BCAS3: variants seen among roughly 807,000 people sequenced by gnomAD.
BCAS3 encodes the protein BCAS3 microtubule associated cell migration factor.
Under a neutral mutation model 116.1 loss-of-function variants are expected in BCAS3, and 53 were observed. The ratio of observed to expected loss-of-function variants is 0.46; its 90% CI spans 0.37 to 0.57. The LOEUF (loss-of-function observed/expected upper bound fraction) is 0.57. BCAS3 is among the 20% of genes least tolerant of loss of function. BCAS3 has a pLI of 0.00. For synonymous variants in BCAS3, 391 were observed against 408.2 expected (o/e 0.96, Z 0.51); for missense variants, 917 against 1,165.4 (o/e 0.79, Z 3.10).
chr17:60,834,418 A>C (rs2051195746), intron 7 of BCAS3, among the ~76,000 whole-genome samples: 1 of 152,062 alleles, frequency 6.6e-6, no homozygotes, highest in African/African-American at 2.4e-5. Flanking sequence ...CTTTAAGCAT[A>C]ATCTATTAAT....
chr17:61,115,336 A>G (rs895765741), intron 22 of BCAS3, among the ~76,000 whole-genome samples: 4 of 152,308 alleles, frequency 2.6e-5, no homozygotes, highest in South Asian at 2.1e-4. Flanking sequence ...TTTGCAACCT[A>G]CTCATCTGAC....
At chr17:61,336,043 C>T (rs1270437462) in intron 22 of BCAS3, among the ~76,000 whole-genome samples, 4 of 152,240 alleles carry the variant, frequency 2.6e-5, no homozygotes, top group African/African-American at 9.6e-5. Context: ...CAGGGCGTGT[C>T]GGCTTTCCTT....
chr17:61,179,750 G>A (rs1026934875), intron 22 of BCAS3, among the ~76,000 whole-genome samples: 1 of 152,080 alleles, frequency 6.6e-6, no homozygotes, highest in Non-Finnish European at 1.5e-5. Context: ...CAGAAAGACC[G>A]AATCTGTCTG....
chr17:61,209,759 G>C (rs1392154187), intron 22 of BCAS3, among the ~76,000 whole-genome samples: 1 of 152,148 alleles, frequency 6.6e-6, no homozygotes, highest in Non-Finnish European at 1.5e-5. Flanking sequence ...CTCAGGGAAG[G>C]ACCTTCAATA....
chr17:60,928,798 C>CT (rs538248869), intron 13 of BCAS3, among the ~76,000 whole-genome samples: 45 of 152,266 alleles, frequency 3.0e-4, no homozygotes, highest in Middle Eastern at 6.8e-3. Context: ...TTAGCCATGG[C>CT]TTCTAACCAT....
chr17:60,710,300 T>C (rs913441304), intron 5 of BCAS3, among the ~76,000 whole-genome samples: 1 of 152,220 alleles, frequency 6.6e-6, no homozygotes, highest in Non-Finnish European at 1.5e-5. Context: ...TGTTGCTCCT[T>C]GAATGATGTA....
intron 6 of BCAS3, among the ~76,000 whole-genome samples, chr17:60,801,114 G>C (rs970331660): frequency 1.3e-5 from 2 of 151,978 alleles, no homozygotes; most frequent in Non-Finnish European, 2.9e-5. Flanking sequence ...TGGATTTTTG[G>C]TAGGAATTGC....
intron 9 of BCAS3, among the ~76,000 whole-genome samples, chr17:60,889,172 T>C (rs1194108448): frequency 6.6e-6 from 1 of 152,206 alleles, no homozygotes; most frequent in Non-Finnish European, 1.5e-5. Flanking sequence ...GATTATGCAG[T>C]TCCCTAACAT....
At chr17:60,871,037 T>G (rs541573984) in intron 8 of BCAS3, among the ~76,000 whole-genome samples, 1 of 152,390 alleles carries the variant, frequency 6.6e-6, no homozygotes, top group Non-Finnish European at 1.5e-5. Flanking sequence ...ACAATGGTCT[T>G]CCCAGTCATT....
chr17:61,052,715 CTTTTTTTTTT>C (rs60772345), intron 19 of BCAS3, among the ~76,000 whole-genome samples: 11,156 of 125,050 alleles, frequency 0.089, 1,425 homozygotes, highest in African/African-American at 0.3. Context: ...TTCTTTCTTT[CTTTTTTTTTT>C]TTTTTTTTTT....
chr17:60,683,972 C>A lies in BCAS3; in HGVS notation c.84-10C>A. On this transcript the variant is annotated splice_polypyrimidine_tract_variant and intron_variant, in intron 2 of 23. Transcript: ENST00000407086. ...TCCTGACCAGTGTTGTCCATTTCAC[C>A]CTTTTCCAGAGAGCAGTCCTACATG... 3 of 1,612,384 alleles carry A rather than the reference C, an allele frequency of 1.9e-6. No individual in the cohort carries two copies. The highest frequency in any genetic ancestry group is 2.5e-6 in the Non-Finnish European group (3 of 1,178,680).
chr17:61,069,834 TA>T (rs746344496), intron 19 of BCAS3: 94,333 of 587,746 alleles, frequency 0.16, 1 homozygote, highest in East Asian at 0.18. Flanking sequence ...AGACCCTGTG[TA>T]AAAAAAAAAA....
intron 22 of BCAS3, among the ~76,000 whole-genome samples, chr17:61,351,488 T>C (rs1200627058): frequency 1.3e-5 from 2 of 152,242 alleles, no homozygotes; most frequent in Non-Finnish European, 2.9e-5. Context: ...CATTTGAATC[T>C]TAGCACGATT....
intron 7 of BCAS3, among the ~76,000 whole-genome samples, chr17:60,823,651 T>C (rs971301425): frequency 1.3e-5 from 2 of 152,192 alleles, no homozygotes; most frequent in Non-Finnish European, 2.9e-5. Flanking sequence ...TCTTTAGAGT[T>C]AGGTCAGTCA....
At chr17:61,221,945 T>C (rs1428471520) in intron 22 of BCAS3, among the ~76,000 whole-genome samples, 2 of 152,070 alleles carry the variant, frequency 1.3e-5, no homozygotes, top group South Asian at 2.1e-4. Flanking sequence ...ACGTCATAAG[T>C]TTGTTGGGGA....
rs1555783945 is a variant in BCAS3 at position 61,220,311 on chromosome 17, C to CAAAAAACA, written c.2425+135753_2425+135754insCAAAAAAA. ...TCCATCTCAAAAAACAAACAAAAAACAAAAAAACTGAAGTTTTCTCATTTG... is the reference window on the plus strand; with the variant it reads ...TCCATCTCAAAAAACAAACAAAAAACAAAAAACAAAAAAAACTGAAGTTTTCTCATTTG... On this transcript the variant is annotated intron_variant, in intron 22 of 23. Transcript: ENST00000407086. This position sits in a 1 kb window ranked among gnomAD's most constrained non-coding sequence, Gnocchi z 4.5. Among the ~76,000 whole-genome samples, 127 of 151,108 alleles carry CAAAAAACA rather than the reference C, an allele frequency of 8.4e-4. 1 individual carries two copies. Among genetic ancestry groups the CAAAAAACA allele is most frequent in the African/African-American group, 2.9e-3 (118 of 41,144 alleles).
At chr17:61,271,124 C>CTTT (rs1198682844) in intron 22 of BCAS3, among the ~76,000 whole-genome samples, 13 of 107,078 alleles carry the variant, frequency 1.2e-4, no homozygotes, top group Non-Finnish European at 1.5e-4. Flanking sequence ...AACTTTTATT[C>CTTT]TTTTTTTTTT....
intron 14 of BCAS3, among the ~76,000 whole-genome samples, chr17:60,986,303 G>A (rs2063139509): frequency 6.6e-6 from 1 of 152,098 alleles, no homozygotes. Context: ...AATAAACATG[G>A]GAGTGCAGAT....
intron 22 of BCAS3, among the ~76,000 whole-genome samples, chr17:61,267,284 C>A (rs898393622): frequency 3.3e-5 from 5 of 151,956 alleles, no homozygotes; most frequent in African/African-American, 1.2e-4. Context: ...GTCTCGATCT[C>A]CTGACCTCAT....
Sources: allele counts gnomAD v4.1 joint callset (sites outside exome capture counted in the v4.1 genomes callset), GRCh38; gene constraint gnomAD v4.1.1; non-coding constraint Gnocchi (gnomAD v3.1); transcripts MANE v1.5; gene names NCBI Gene and HGNC (gene_info 2026-07-23, HGNC 2026-07-21).